EPM2A: variants seen among roughly 807,000 people sequenced by gnomAD.
EPM2A encodes the protein EPM2A glucan phosphatase, laforin.
EPM2A carries 21 observed loss-of-function variants against 26.5 expected under a neutral mutation model. The observed-to-expected ratio is 0.79, with a 90% CI of 0.56 to 1.14. The LOEUF is 1.14. EPM2A is among the 50% of genes most tolerant of loss of function. The probability of loss-of-function intolerance (pLI) is 0.00; values close to 1 mark genes in which losing one functional copy is unlikely to be tolerated. For missense variants in EPM2A, 458 were observed against 440.8 expected, an observed-to-expected ratio of 1.04 and a Z score of -0.35; for synonymous variants, 217 against 177.6, an observed-to-expected ratio of 1.22 and a Z score of -1.76.
In EPM2A at chr6:145,665,568, C is replaced by T. The variant is rs1260140750; in HGVS notation, c.476+20554G>A. On this transcript the variant is annotated intron_variant, in intron 2 of 3. Transcript: ENST00000367519. ...GTCCAGGACCAGATGGATTCACAGC[C>T]GAATTCTACCAGAGGTACAATGAGG... Among the ~76,000 whole-genome samples, 41 of 145,882 alleles carry T rather than the reference C, an allele frequency of 2.8e-4. 2 individuals carry two copies. Among genetic ancestry groups the T allele is most frequent in the Admixed American group, 1.7e-3 (24 of 14,294 alleles).
intron 2 of EPM2A, among the ~76,000 whole-genome samples, chr6:145,565,898 C>T (rs998688320): frequency 1.2e-4 from 18 of 152,182 alleles, no homozygotes; most frequent in Admixed American, 3.9e-4. Context: ...ATATGAGCCC[C>T]GTAAAGCACT....
At chr6:145,731,706 T>C (rs566665446) in intron 1 of EPM2A, among the ~76,000 whole-genome samples, 53 of 152,180 alleles carry the variant, frequency 3.5e-4, no homozygotes, top group African/African-American at 1.2e-3. Context: ...ATAATACTTA[T>C]GTAACAAAAC....
In EPM2A at chr6:145,494,735, T is replaced by C. The variant is rs140200147; in HGVS notation, c.555+7787A>G. Among the ~76,000 whole-genome samples, 10 of 152,354 alleles carry C rather than the reference T, an allele frequency of 6.6e-5. No individual in the cohort carries two copies. In the East Asian group the frequency reaches 1.9e-3, roughly 29 times the overall value. On this transcript the variant is annotated intron_variant, in intron 4 of 4. Coordinates refer to the EPM2A transcript ENST00000638717. The stretch of plus-strand genomic sequence containing the variant: ...TTTATTGATTTCTGCCTTAATTTCA[T>C]TATTTATCCACAGTCATCCAGGGGC...
chr6:145,583,896 G>T lies in EPM2A; in HGVS notation c.340+51349C>A, dbSNP rs912164119. 2.6e-5 allele frequency among the ~76,000 whole-genome samples: 4 copies of T among 152,246 alleles called. No individual in the cohort carries two copies. The East Asian group carries it at 7.7e-4, about 29-fold the overall frequency. On this transcript the variant is annotated intron_variant, in intron 2 of 3. Transcript: ENST00000450221. Reference sequence around the variant, plus strand: ...AGCACTGGCATCCATGCACATACTTGCCCTGGTGGTGGCAGTGCTGGTGCA... The same window carrying T: ...AGCACTGGCATCCATGCACATACTTTCCCTGGTGGTGGCAGTGCTGGTGCA...
chr6:145,692,398 T>G (rs1781333680), intron 1 of EPM2A, among the ~76,000 whole-genome samples: 1 of 151,956 alleles, frequency 6.6e-6, no homozygotes, highest in African/African-American at 2.4e-5. Flanking sequence ...GCACCCAATA[T>G]AGCAGAATGC....
chr6:145,680,764 G>A (rs1199832202), intron 2 of EPM2A, among the ~76,000 whole-genome samples: 1 of 152,114 alleles, frequency 6.6e-6, no homozygotes, highest in East Asian at 1.9e-4. Flanking sequence ...GTGCATATGT[G>A]CCACATTTTC....
chr6:145,700,046 A>G (rs1781824651), intron 1 of EPM2A, among the ~76,000 whole-genome samples: 1 of 152,174 alleles, frequency 6.6e-6, no homozygotes, highest in Non-Finnish European at 1.5e-5. Flanking sequence ...TTGAATTATT[A>G]ATAATTCATT....
intron 2 of EPM2A, among the ~76,000 whole-genome samples, chr6:145,578,551 G>A (rs1457064388): frequency 6.6e-6 from 1 of 152,070 alleles, no homozygotes; most frequent in Non-Finnish European, 1.5e-5. Flanking sequence ...ATAACAAACA[G>A]TTTCCCATCA....
intron 4 of EPM2A, among the ~76,000 whole-genome samples, chr6:145,453,349 C>T (rs1416438717): frequency 6.6e-6 from 1 of 152,104 alleles, no homozygotes; most frequent in African/African-American, 2.4e-5. Flanking sequence ...TAAAGCTTTC[C>T]ACTCAGATGA....
At position 145,461,190 on chromosome 6, in the gene EPM2A, C is replaced by T. The variant is rs114889528; in HGVS notation, c.555+41332G>A. 5.0e-3 allele frequency among the ~76,000 whole-genome samples: 759 copies of T among 152,286 alleles called. 3 individuals carry two copies. Among genetic ancestry groups the T allele is most frequent in the African/African-American group, 0.018 (737 of 41,560 alleles). ...ATATTTCTAGCCCAAAGCAATGTCC[C>T]TGTCTAATTTGAGCAGTTGAGCAAA... On this transcript the variant is annotated intron_variant, in intron 4 of 4. Coordinates refer to the EPM2A transcript ENST00000638717.
chr6:145,515,102 A>G (rs932190142), intron 2 of EPM2A, among the ~76,000 whole-genome samples: 1 of 152,252 alleles, frequency 6.6e-6, no homozygotes, highest in Non-Finnish European at 1.5e-5. Context: ...ATCTTGCAGT[A>G]TAGAGGCCAC....
chr6:145,673,054 C>T (rs1398433948), intron 2 of EPM2A, among the ~76,000 whole-genome samples: 4 of 150,552 alleles, frequency 2.7e-5, no homozygotes, highest in East Asian at 1.9e-4. Context: ...TGAGACAAAC[C>T]GAAGAGAAAA....
chr6:145,733,709 T>C (rs1349615128), intron 1 of EPM2A, among the ~76,000 whole-genome samples: 1 of 152,234 alleles, frequency 6.6e-6, no homozygotes, highest in African/African-American at 2.4e-5. Context: ...CTTTCAATTC[T>C]GTCATGGTAA....
Position 145,627,444 on chromosome 6 carries a change from T to A in EPM2A, c.968A>T (p.Lys323Met). The A allele has an allele frequency of 6.2e-7, 1 of 1,614,230 alleles. No homozygotes were observed. The highest frequency in any genetic ancestry group is 8.5e-7 in the Non-Finnish European group (1 of 1,180,044). Residue 323 changes from lysine (K) to methionine (M), a missense_variant, in exon 4 of 4, where the codon AAG (lysine) becomes ATG (methionine). Physicochemically the swap from Lys to Met is moderately conservative, Grantham distance 95. Coordinates refer to ENST00000367519, the MANE Select transcript of EPM2A (RefSeq NM_005670.4). The part of the protein sequence containing the change: ...AQEDFFQKFG[K>M]VRSSVCSL Reference sequence around the variant, plus strand: ...CAGGCTACACACAGAAGAACGAACCTTCCCAAATTTCTGGAAAAAATCTTC... The same window carrying A: ...CAGGCTACACACAGAAGAACGAACCATCCCAAATTTCTGGAAAAAATCTTC...
chr6:145,473,992 T>C (rs1779508868), intron 4 of EPM2A, among the ~76,000 whole-genome samples: 1 of 152,108 alleles, frequency 6.6e-6, no homozygotes, highest in African/African-American at 2.4e-5. Context: ...TTAATGGTAG[T>C]AGTAAGTACA....
At chr6:145,578,251 TACAAG>T (rs1781062166) in intron 2 of EPM2A, among the ~76,000 whole-genome samples, 1 of 152,050 alleles carries the variant, frequency 6.6e-6, no homozygotes, top group Non-Finnish European at 1.5e-5. Context: ...TTAATGGAAT[TACAAG>T]TTTTTTTGAA....
At chr6:145,680,506 G>T (rs1396448131) in intron 2 of EPM2A, among the ~76,000 whole-genome samples, 1 of 151,778 alleles carries the variant, frequency 6.6e-6, no homozygotes, top group Non-Finnish European at 1.5e-5. Flanking sequence ...TCGTCATTTA[G>T]CATTAGGTGT....
chr6:145,672,347 G>A (rs373669191), intron 2 of EPM2A, among the ~76,000 whole-genome samples: 6 of 152,010 alleles, frequency 3.9e-5, no homozygotes, highest in Admixed American at 2.6e-4. Flanking sequence ...ATGAAAAGAC[G>A]GTAACAATAA....
chr6:145,617,685 T>G (rs1470492471), intron 2 of EPM2A, among the ~76,000 whole-genome samples: 1 of 152,222 alleles, frequency 6.6e-6, no homozygotes, highest in African/African-American at 2.4e-5. Context: ...ATGCCTGTAA[T>G]GCCAACACTT....
Sources: allele counts gnomAD v4.1 joint callset (sites outside exome capture counted in the v4.1 genomes callset), GRCh38; gene constraint gnomAD v4.1.1; transcripts MANE v1.5; gene names NCBI Gene and HGNC (gene_info 2026-07-23, HGNC 2026-07-21).